The following BIRC6 variants were observed in gnomAD, a reference collection of about 807,000 sequenced individuals.
BIRC6 encodes the protein baculoviral IAP repeat containing 6, also known as dual E2 ubiquitin-conjugating enzyme/E3 ubiquitin-protein ligase BIRC6.
In BIRC6, 98 loss-of-function variants were observed where a neutral mutation model predicts 503.3. The ratio of observed to expected loss-of-function variants is 0.19; its 90% CI spans 0.17 to 0.23. The LOEUF (loss-of-function observed/expected upper bound fraction) is 0.23. Ranked by LOEUF, BIRC6 falls within the 10% of genes least tolerant of loss-of-function variation. The probability of loss-of-function intolerance (pLI) is 1.00; values close to 1 mark genes in which losing one functional copy is unlikely to be tolerated. For synonymous variants in BIRC6, 2,240 were observed against 2,078.7 expected (o/e 1.08, Z -2.11); for missense variants, 5,360 against 5,806.0 (o/e 0.92, Z 2.50).
rs371503563 is a variant in BIRC6, at chr2:32,469,484, A to G, written c.6217A>G (p.Lys2073Glu). 4 of 1,613,812 alleles carry G rather than the reference A, an allele frequency of 2.5e-6. No homozygotes were observed. The highest frequency in any genetic ancestry group is 3.4e-6 in the Non-Finnish European group (4 of 1,179,840). The change falls in exon 30 of 74, where the codon AAG (lysine) becomes GAG (glutamate). Residue 2073 changes from lysine (K) to glutamate (E), a missense_variant. Physicochemically the swap from Lys to Glu is moderately conservative, Grantham distance 56 (BLOSUM62 1). Around this residue, in one of 16 missense-constraint regions of BIRC6, gnomAD observed 2,299 missense variants for 2,267.2 expected, o/e 1.01. Coordinates refer to ENST00000421745, the MANE Select transcript of BIRC6 (RefSeq NM_016252.4). ...FKHLCISGTP[K>E]IRLHTGLLLV... ...ACACTTGTGCATCAGTGGAACCCCAAAGATACGGTTACATACTGGTCTTCT... is the reference window on the plus strand; with the variant it reads ...ACACTTGTGCATCAGTGGAACCCCAGAGATACGGTTACATACTGGTCTTCT...
At chr2:32,446,747 T>G (rs1333245543) in intron 21 of BIRC6, among the ~76,000 whole-genome samples, 13 of 130,090 alleles carry the variant, frequency 1.0e-4, no homozygotes, top group Non-Finnish European at 9.8e-5. Context: ...TGTTTTTTTT[T>G]TTTTTTTTTT....
chr2:32,479,364 T>C, intron 36 of BIRC6, 98 bp from the exon 37 acceptor site: 1 of 1,175,530 alleles, frequency 8.5e-7, no homozygotes, highest in Non-Finnish European at 1.2e-6. Context: ...GTAGAGCATT[T>C]ATTCTGTCAG....
rs377307525 is a variant in BIRC6, at chr2:32,468,671, G to A, written c.6015G>A (p.Leu2005=). The part of the protein sequence containing the change: ...KVALGASRKM[L]SETSNPEDLI... The stretch of plus-strand genomic sequence containing the variant: ...CGCTAGGTGCAAGCCGGAAGATGTT[G>A]AGTGAAACATCAAATCCAGAAGATT... Residue 2005 remains leucine, a synonymous_variant, in exon 29 of 74, where the codon TTG becomes TTA. Transcript: ENST00000421745. 23 of 1,613,816 alleles carry A rather than the reference G, an allele frequency of 1.4e-5. No individual in the cohort carries two copies. The African/African-American group carries it at 3.1e-4, about 22-fold the overall frequency.
At chr2:32,390,593 G>A (rs1257087275) in intron 4 of BIRC6, among the ~76,000 whole-genome samples, 1 of 152,216 alleles carries the variant, frequency 6.6e-6, no homozygotes, top group Non-Finnish European at 1.5e-5. Flanking sequence ...TGGGATTACA[G>A]GTGTGAGCCA....
intron 66 of BIRC6, among the ~76,000 whole-genome samples, chr2:32,592,983 A>G (rs369946121): frequency 6.6e-6 from 1 of 152,344 alleles, no homozygotes; most frequent in East Asian, 1.9e-4. Flanking sequence ...ATTTTAATGT[A>G]ATGACCAAGT....
intron 63 of BIRC6, 54 bp from the exon 64 acceptor site, chr2:32,547,796 T>C: frequency 7.2e-7 from 1 of 1,388,544 alleles, no homozygotes; most frequent in Admixed American, 2.9e-5. Context: ...ATAAATATTT[T>C]TGAAGATAAG....
At chr2:32,451,542 A>G (rs532841404) in intron 22 of BIRC6, among the ~76,000 whole-genome samples, 35 of 152,342 alleles carry the variant, frequency 2.3e-4, no homozygotes, top group African/African-American at 8.2e-4. Context: ...AGTAAAAATT[A>G]TTAATTTTAT....
intron 67 of BIRC6, among the ~76,000 whole-genome samples, chr2:32,594,702 A>AGATGGATG (rs60252004): frequency 0.01 from 1,503 of 149,070 alleles, 6 homozygotes; most frequent in Non-Finnish European, 0.013. Context: ...GTTTCCAGAT[A>AGATGGATG]GATGGATGGA....
At chr2:32,395,635 G>C (rs115485674) in intron 6 of BIRC6, 42 bp downstream of exon 6, 2 of 1,484,336 alleles carry the variant, frequency 1.3e-6, no homozygotes, top group Non-Finnish European at 9.4e-7. Context: ...TAAGTCAGTC[G>C]TGTAAATAAT....
At chr2:32,412,650 C>G (rs1293486344) in intron 9 of BIRC6, among the ~76,000 whole-genome samples, 1 of 151,738 alleles carries the variant, frequency 6.6e-6, no homozygotes, top group South Asian at 2.1e-4. Flanking sequence ...ACTTTTTCTT[C>G]CTAGTTATTT....
chr2:32,494,504 G>A (rs1451722970), intron 45 of BIRC6, among the ~76,000 whole-genome samples: 1 of 151,984 alleles, frequency 6.6e-6, no homozygotes, highest in African/African-American at 2.4e-5. Context: ...GGGATTACAG[G>A]TGTGAGCCAC....
intron 65 of BIRC6, among the ~76,000 whole-genome samples, chr2:32,562,303 A>G (rs944134472): frequency 2.0e-5 from 3 of 152,202 alleles, no homozygotes; most frequent in African/African-American, 7.2e-5. Context: ...AATTTTATCT[A>G]AATTGCTGTT....
intron 1 of BIRC6, among the ~76,000 whole-genome samples, chr2:32,374,738 C>T (rs1185237224): frequency 1.3e-5 from 2 of 152,108 alleles, no homozygotes; most frequent in African/African-American, 4.8e-5. Context: ...TCCCAAAGTG[C>T]TGGGATTACA....
chr2:32,442,668 AAAG>A, intron 19 of BIRC6, among the ~76,000 whole-genome samples: 1 of 152,194 alleles, frequency 6.6e-6, no homozygotes, highest in Non-Finnish European at 1.5e-5. Flanking sequence ...ACTTTTAAGA[AAAG>A]AAGTCTGCTG....
intron 15 of BIRC6, 40 bp from the exon 16 acceptor site, chr2:32,439,468 G>T: frequency 6.4e-7 from 1 of 1,558,850 alleles, no homozygotes; most frequent in Non-Finnish European, 8.8e-7. Context: ...GAATTTATTG[G>T]TGATTCAGTT....
At chr2:32,532,373 G>T in intron 61 of BIRC6, 3 of 409,404 alleles carry the variant, frequency 7.3e-6, no homozygotes, top group Admixed American at 3.7e-5. Flanking sequence ...CTTCTTCCTG[G>T]CTTCTATTGG....
chr2:32,460,389 G>T (rs1233996297), intron 23 of BIRC6, among the ~76,000 whole-genome samples: 1 of 142,848 alleles, frequency 7.0e-6, no homozygotes, highest in Non-Finnish European at 1.5e-5. Flanking sequence ...TGATTCTTCT[G>T]CCTCAGCCTC....
chr2:32,515,310 G>C lies in BIRC6; in HGVS notation c.10889G>C (p.Gly3630Ala). 6.2e-7 allele frequency: 1 copy of C among 1,613,836 alleles called. No homozygotes were observed. Among genetic ancestry groups the C allele is most frequent in the Non-Finnish European group, 8.5e-7 (1 of 1,179,876 alleles). ...GCTATTAAACAATTACTAGACTCAG[G>C]TTTGCCTTCTCTTCTTGTGAGGAGT... ...PEAIKQLLDS[G>A]LPSLLVRSLA... The change falls in exon 55 of 74, where the codon GGT (glycine) becomes GCT (alanine). Residue 3630 changes from glycine (G) to alanine (A), a missense_variant. Gly to Ala is a moderately conservative substitution (Grantham distance 60, BLOSUM62 0). Coordinates refer to ENST00000421745, the MANE Select transcript of BIRC6 (RefSeq NM_016252.4).
In BIRC6 at chr2:32,602,987, T is replaced by A; in HGVS notation, c.13993-19T>A. On this transcript the variant is annotated intron_variant, in intron 70 of 73. Coordinates refer to ENST00000421745, the MANE Select transcript of BIRC6 (RefSeq NM_016252.4). ...AGCACTCTTTTTTCAATTCTGTTTA[T>A]GCTTTTTTCGTTCGTCAGGTTTGTT... 2 of 1,593,128 alleles carry A rather than the reference T, an allele frequency of 1.3e-6. No individual in the cohort carries two copies. Among genetic ancestry groups the A allele is most frequent in the Non-Finnish European group, 1.7e-6 (2 of 1,173,554 alleles).
Sources: gnomAD v4.1 joint callset for allele counts (sites outside exome capture counted in the v4.1 genomes callset) on GRCh38, gnomAD v4.1.1 for gene constraint, gnomAD v4.1.1 regional missense constraint, MANE v1.5 for transcripts, NCBI Gene and HGNC (gene_info 2026-07-23, HGNC 2026-07-21) for gene names.